The following KMT2C variants were observed in gnomAD, a reference collection of about 807,000 sequenced individuals.
KMT2C encodes the protein lysine methyltransferase 2C.
In KMT2C, 88 loss-of-function variants were observed where a neutral mutation model predicts 507.9. The observed-to-expected ratio is 0.17, with a 90% CI of 0.15 to 0.21. The LOEUF (loss-of-function observed/expected upper bound fraction) is 0.21, where lower values mean the gene tolerates loss of function less well. Among genes scored for constraint, KMT2C ranks in the 10% least tolerant of loss-of-function variants. The pLI is 1.00. For missense variants in KMT2C, 4,954 were observed against 5,957.8 expected (o/e 0.83, Z 5.55); for synonymous variants, 2,049 against 2,080.8 (o/e 0.98, Z 0.42).
chr7:152,430,129 G>T (rs892567774), intron 1 of KMT2C, among the ~76,000 whole-genome samples: 9 of 149,030 alleles, frequency 6.0e-5, no homozygotes, highest in Non-Finnish European at 3.0e-5. Flanking sequence ...AGTGAGCCAG[G>T]ATCACGCCAC....
At chr7:152,139,954 G>T (rs2090341838) in intron 55 of KMT2C, among the ~76,000 whole-genome samples, 163 bp from the exon 56 acceptor site, 1 of 152,074 alleles carries the variant, frequency 6.6e-6, no homozygotes, top group South Asian at 2.1e-4. Context: ...TTTAAAAATT[G>T]GACATTTTTA....
At chr7:152,408,338 AT>A (rs2097643085) in intron 1 of KMT2C, among the ~76,000 whole-genome samples, 1 of 152,262 alleles carries the variant, frequency 6.6e-6, no homozygotes, top group African/African-American at 2.4e-5. Flanking sequence ...TACTCTGAAT[AT>A]AAACTATATA....
intron 1 of KMT2C, among the ~76,000 whole-genome samples, chr7:152,366,244 T>C (rs2097242671): frequency 6.6e-6 from 1 of 152,172 alleles, no homozygotes; most frequent in Non-Finnish European, 1.5e-5. Flanking sequence ...CCTCTGGGTA[T>C]ACACCAAAAA....
intron 39 of KMT2C, among the ~76,000 whole-genome samples, chr7:152,172,000 G>A (rs1030296572): frequency 6.6e-6 from 1 of 152,210 alleles, no homozygotes; most frequent in African/African-American, 2.4e-5. Flanking sequence ...CTGCTTACAT[G>A]AAAGTATTTC....
intron 37 of KMT2C, among the ~76,000 whole-genome samples, chr7:152,179,380 G>A (rs1263188197): frequency 2.6e-5 from 4 of 152,330 alleles, no homozygotes; most frequent in East Asian, 1.9e-4. Context: ...CTTTGCCTAC[G>A]CAGAATAGCT....
At chr7:152,258,261 A>G (rs147495459) in intron 9 of KMT2C, among the ~76,000 whole-genome samples, 1 of 152,358 alleles carries the variant, frequency 6.6e-6, no homozygotes, top group African/African-American at 2.4e-5. Flanking sequence ...AGCAACTGAC[A>G]GCAAGTATGG....
At chr7:152,385,732 T>C (rs1427484506) in intron 1 of KMT2C, among the ~76,000 whole-genome samples, 1 of 151,140 alleles carries the variant, frequency 6.6e-6, no homozygotes, top group Non-Finnish European at 1.5e-5. Context: ...ATGGTGGTAT[T>C]AGGTTTTTCT....
intron 1 of KMT2C, among the ~76,000 whole-genome samples, chr7:152,399,643 A>T (rs1406046527): frequency 6.6e-6 from 1 of 152,172 alleles, no homozygotes; most frequent in Non-Finnish European, 1.5e-5. Context: ...CAAGGTCAGC[A>T]GATATTTGGT....
At chr7:152,287,177 T>C (rs1043684497) in intron 6 of KMT2C, among the ~76,000 whole-genome samples, 4 of 152,112 alleles carry the variant, frequency 2.6e-5, no homozygotes, top group African/African-American at 9.7e-5. Context: ...ACCCACCCAG[T>C]GATAAGGACA....
chr7:152,407,784 G>A (rs927137603), intron 1 of KMT2C, among the ~76,000 whole-genome samples: 17 of 152,310 alleles, frequency 1.1e-4, no homozygotes, highest in Admixed American at 8.5e-4. Flanking sequence ...TCTAGAAGTT[G>A]AAAATACGTG....
Position 152,176,494 on chromosome 7 carries a change from C to T in KMT2C, c.8959G>A (p.Val2987Met), listed in dbSNP as rs2093216865. The T allele has an allele frequency of 2.5e-6, 4 of 1,614,024 alleles. No individual in the cohort carries two copies. The highest frequency in any genetic ancestry group is 1.1e-5 in the South Asian group (1 of 91,088). Residue 2987 changes from valine to methionine, a missense_variant, in exon 38 of 59, where the codon GTG (valine) becomes ATG (methionine). Val to Met is a conservative substitution (Grantham distance 21). Coordinates refer to ENST00000262189, the MANE Select transcript of KMT2C (RefSeq NM_170606.3). ...SRVNHVFSQG[V>M]QVNPGLIPGQ... ...GGAATGAGCCCTGGGTTTACCTGCA[C>T]ACCCTGAGAAAAAACATGGTTTACC... is the stretch of plus-strand genomic sequence containing the variant.
intron 3 of KMT2C, among the ~76,000 whole-genome samples, chr7:152,327,686 C>T (rs113109998): frequency 2.6e-5 from 4 of 152,076 alleles, no homozygotes; most frequent in Non-Finnish European, 4.4e-5. Context: ...GGGCCGGGCG[C>T]GGTGACTCAC....
intron 6 of KMT2C, among the ~76,000 whole-genome samples, chr7:152,289,099 GAACA>G (rs2096360665): frequency 1.3e-5 from 2 of 152,412 alleles, no homozygotes; most frequent in African/African-American, 4.8e-5. Context: ...AAGGAAGAAA[GAACA>G]AACAAATAGT....
At chr7:152,252,490 G>T in intron 10 of KMT2C, 56 bp downstream of exon 10, 1 of 1,415,342 alleles carries the variant, frequency 7.1e-7, no homozygotes, top group South Asian at 1.2e-5. Context: ...TAGAGCAAAT[G>T]ACCACATGAA....
intron 2 of KMT2C, among the ~76,000 whole-genome samples, chr7:152,345,582 T>C (rs1217479346): frequency 6.6e-6 from 1 of 152,214 alleles, no homozygotes; most frequent in African/African-American, 2.4e-5. Context: ...TGGAGTGCAA[T>C]GGCACGATCT....
At chr7:152,373,898 G>T (rs2097309288) in intron 1 of KMT2C, among the ~76,000 whole-genome samples, 2 of 151,920 alleles carry the variant, frequency 1.3e-5, no homozygotes. Context: ...AAGGGACAAA[G>T]GATATGAACA....
At chr7:152,158,357 T>A (rs2092221462) in intron 44 of KMT2C, among the ~76,000 whole-genome samples, 1 of 152,190 alleles carries the variant, frequency 6.6e-6, no homozygotes. Context: ...CTTATGAACA[T>A]AAGAAAATCT....
At chr7:152,275,271 C>T (rs1455615733) in intron 6 of KMT2C, among the ~76,000 whole-genome samples, 2 of 152,212 alleles carry the variant, frequency 1.3e-5, no homozygotes, top group East Asian at 1.9e-4. Flanking sequence ...TTGGCTGGGC[C>T]GGGTGGCTCA....
intron 2 of KMT2C, among the ~76,000 whole-genome samples, chr7:152,348,199 TAAACTTCG>T (rs2097077842): frequency 6.6e-6 from 1 of 152,216 alleles, no homozygotes; most frequent in Admixed American, 6.5e-5. Flanking sequence ...CAAAAATTAA[TAAACTTCG>T]AATATTGAAC....
Sources: allele counts gnomAD v4.1 joint callset (sites outside exome capture counted in the v4.1 genomes callset), GRCh38; gene constraint gnomAD v4.1.1; transcripts MANE v1.5; gene names NCBI Gene and HGNC (gene_info 2026-07-23, HGNC 2026-07-21).